Variants in FBXO28 observed in about 807,000 individuals in gnomAD.
FBXO28 encodes the protein F-box protein 28, also known as F-box only protein 28.
In FBXO28, 8 loss-of-function variants were observed where a neutral mutation model predicts 38.1. That is an observed-to-expected ratio of 0.21 (90% CI 0.12 to 0.38). The LOEUF is 0.38. Ranked by LOEUF, FBXO28 falls within the 10% of genes least tolerant of loss-of-function variation. The probability of loss-of-function intolerance (pLI) is 1.00; values close to 1 mark genes in which losing one functional copy is unlikely to be tolerated. For missense variants in FBXO28, 345 were observed against 460.6 expected (o/e 0.75, Z 2.30); for synonymous variants, 168 against 173.8 (o/e 0.97, Z 0.26).
chr1:224,119,600 C>G (rs1251164091), intron 1 of FBXO28, among the ~76,000 whole-genome samples: 1 of 152,094 alleles, frequency 6.6e-6, no homozygotes, highest in Non-Finnish European at 1.5e-5. Flanking sequence ...TCCACTGTGT[C>G]GTCATCAAGA....
intron 3 of FBXO28, among the ~76,000 whole-genome samples, chr1:224,148,390 C>T (rs1657561385): frequency 6.6e-6 from 1 of 152,166 alleles, no homozygotes; most frequent in South Asian, 2.1e-4. Context: ...GTGGCTCACG[C>T]CTGCAATCCC....
chr1:224,115,485 A>C (rs1464376353), intron 1 of FBXO28, among the ~76,000 whole-genome samples: 1 of 152,238 alleles, frequency 6.6e-6, no homozygotes, highest in East Asian at 1.9e-4. Flanking sequence ...CAAGTGGATT[A>C]TAATTACATT....
At chr1:224,151,387 A>C (rs2102633656) in intron 3 of FBXO28, among the ~76,000 whole-genome samples, 1 of 152,308 alleles carries the variant, frequency 6.6e-6, no homozygotes, top group African/African-American at 2.4e-5. Flanking sequence ...GGCTTATGAT[A>C]AGGATACATC....
chr1:224,147,398 G>A (rs1657535101), intron 3 of FBXO28, among the ~76,000 whole-genome samples: 1 of 147,934 alleles, frequency 6.8e-6, no homozygotes, highest in Non-Finnish European at 1.5e-5. Flanking sequence ...ACTCCAGCCT[G>A]GGCAACAGAG....
At chr1:224,151,209 T>G (rs1173086619) in intron 3 of FBXO28, among the ~76,000 whole-genome samples, 1 of 152,192 alleles carries the variant, frequency 6.6e-6, no homozygotes, top group African/African-American at 2.4e-5. Context: ...ACTCCCATCC[T>G]GTATCTCAAG....
chr1:224,155,975 TA>T, intron 4 of FBXO28, among the ~76,000 whole-genome samples: 1 of 152,332 alleles, frequency 6.6e-6, no homozygotes, highest in South Asian at 2.1e-4. Context: ...TTAAGGTAGA[TA>T]AGATCAGTGT....
chr1:224,116,203 A>C (rs1463040433), intron 1 of FBXO28, among the ~76,000 whole-genome samples: 1 of 152,176 alleles, frequency 6.6e-6, no homozygotes, highest in Non-Finnish European at 1.5e-5. Flanking sequence ...CTTAAGGCTA[A>C]TGGATAATTC....
chr1:224,158,634 C>T lies in FBXO28; in HGVS notation c.*888C>T, dbSNP rs939278727. The T allele has an allele frequency of 2.0e-5, 3 of 152,224 alleles. No homozygotes were observed. Among genetic ancestry groups the T allele is most frequent in the Admixed American group, 6.5e-5 (1 of 15,274 alleles). 9.4% of individuals were successfully genotyped at this position (152,224 alleles called of 1,614,324 possible). On this transcript the variant is annotated 3_prime_UTR_variant, in exon 5 of 5. Coordinates refer to ENST00000366862, the MANE Select transcript of FBXO28 (RefSeq NM_015176.4). Reference sequence around the variant, plus strand: ...TAAAGCCCATTGCTTTATCTGCTCTCTGTAGGGTTCAGGTACACTGGCTAA... The same window carrying T: ...TAAAGCCCATTGCTTTATCTGCTCTTTGTAGGGTTCAGGTACACTGGCTAA...
At chr1:224,146,632 C>T (rs1440305013) in intron 3 of FBXO28, among the ~76,000 whole-genome samples, 1 of 151,898 alleles carries the variant, frequency 6.6e-6, no homozygotes, top group Non-Finnish European at 1.5e-5. Flanking sequence ...CTCCCTTGGC[C>T]TCTCAAAGTG....
intron 2 of FBXO28, among the ~76,000 whole-genome samples, chr1:224,133,672 C>T (rs1475906818): frequency 6.6e-6 from 1 of 151,980 alleles, no homozygotes; most frequent in Admixed American, 6.6e-5. Context: ...CATGCACCAT[C>T]ACGCCTGGCT....
chr1:224,126,095 A>C (rs1191138056), intron 1 of FBXO28, among the ~76,000 whole-genome samples: 1 of 152,130 alleles, frequency 6.6e-6, no homozygotes, highest in East Asian at 1.9e-4. Context: ...ATTACATCTA[A>C]CTTAGCAATC....
At chr1:224,145,544 T>TA (rs896103601) in intron 3 of FBXO28, among the ~76,000 whole-genome samples, 3 of 152,166 alleles carry the variant, frequency 2.0e-5, no homozygotes, top group African/African-American at 7.2e-5. Context: ...ATTATAATCT[T>TA]ACAGGATGAC....
intron 3 of FBXO28, among the ~76,000 whole-genome samples, chr1:224,136,538 A>T (rs1011588319): frequency 3.3e-5 from 5 of 151,288 alleles, no homozygotes; most frequent in African/African-American, 1.2e-4. Context: ...CCTTGCTAAC[A>T]TGGTGAAACC....
rs770914454 is a variant in FBXO28 at position 224,159,121 on chromosome 1, G to T, written c.*1375G>T. On this transcript the variant is annotated 3_prime_UTR_variant, in exon 5 of 5. Transcript: ENST00000366862. ...GTTGTATTTTAATTTACTAAATTAT[G>T]TAGCTATTTGACTGTTAAGTTCTTT... 1 of 152,482 alleles carries T rather than the reference G, an allele frequency of 6.6e-6. No homozygotes were observed. The highest frequency in any genetic ancestry group is 6.6e-5 in the Admixed American group (1 of 15,258). 9.4% of individuals were successfully genotyped at this position (152,482 alleles called of 1,614,324 possible).
chr1:224,122,771 A>G (rs992746228), intron 1 of FBXO28, among the ~76,000 whole-genome samples: 1 of 152,172 alleles, frequency 6.6e-6, no homozygotes, highest in Admixed American at 6.6e-5. Flanking sequence ...GTCTTGCGCT[A>G]GCTCCATCTG....
intron 2 of FBXO28, 78 bp from the exon 3 acceptor site, chr1:224,133,996 C>T: frequency 9.8e-7 from 1 of 1,017,568 alleles, no homozygotes; most frequent in Admixed American, 3.6e-5. Context: ...TTTCATTAAG[C>T]CATCTTGATT....
At chr1:224,133,243 G>T (rs1225828337) in intron 2 of FBXO28, among the ~76,000 whole-genome samples, 1 of 152,150 alleles carries the variant, frequency 6.6e-6, no homozygotes, top group Non-Finnish European at 1.5e-5. Flanking sequence ...AATGGTTACA[G>T]GAGTTAATTT....
rs1301004844 is a variant in FBXO28, at chr1:224,114,240, G to A, written c.111G>A (p.Ala37=). The change falls in exon 1 of 5, where the codon GCG becomes GCA. Residue 37 remains alanine (A), a synonymous_variant. Coordinates refer to ENST00000366862, the MANE Select transcript of FBXO28 (RefSeq NM_015176.4). The stretch of plus-strand genomic sequence containing the variant: ...CCCAGCGACAGCCTCCACCGCCCGC[G>A]CCACAGCACCCGCAGCCGGGGTCCC... ...GSTQRQPPPP[A]PQHPQPGSQA... 5.8e-6 allele frequency: 9 copies of A among 1,552,052 alleles called. No homozygotes were observed. The highest frequency in any genetic ancestry group is 7.8e-6 in the Non-Finnish European group (9 of 1,148,112).
intron 2 of FBXO28, among the ~76,000 whole-genome samples, chr1:224,131,764 G>A (rs548477712): frequency 2.9e-4 from 44 of 152,162 alleles, no homozygotes; most frequent in Middle Eastern, 3.4e-3. Flanking sequence ...CTTGGATTAG[G>A]CAGTGACACC....
Sources: allele counts gnomAD v4.1 joint callset (sites outside exome capture counted in the v4.1 genomes callset), GRCh38; gene constraint gnomAD v4.1.1; transcripts MANE v1.5; gene names NCBI Gene and HGNC (gene_info 2026-07-23, HGNC 2026-07-21).